Variants in RNF217 observed in about 807,000 individuals in gnomAD.
RNF217 encodes E3 ubiquitin-protein ligase RNF217.
In RNF217, 31 loss-of-function variants were observed where a neutral mutation model predicts 57.8. The observed-to-expected ratio is 0.54, with a 90% CI of 0.40 to 0.72. The LOEUF is 0.72. Among genes scored for constraint, RNF217 ranks in the 30% least tolerant of loss-of-function variants. RNF217 has a pLI of 0.00. For missense variants in RNF217, 696 were observed against 708.3 expected (o/e 0.98, Z 0.20); for synonymous variants, 313 against 294.0 (o/e 1.06, Z -0.66).
chr6:125,035,262 C>T (rs568397969), intron 1 of RNF217, among the ~76,000 whole-genome samples: 1 of 151,976 alleles, frequency 6.6e-6, no homozygotes, highest in Non-Finnish European at 1.5e-5. Flanking sequence ...GAGAGGGCAT[C>T]CCTGTCTTGT....
At chr6:125,021,426 C>T (rs563210688) in intron 1 of RNF217, among the ~76,000 whole-genome samples, 16 of 151,940 alleles carry the variant, frequency 1.1e-4, no homozygotes, top group African/African-American at 3.4e-4. Context: ...CCACCATGCC[C>T]GACTAATTTT....
intron 1 of RNF217, among the ~76,000 whole-genome samples, chr6:125,040,760 C>A (rs150255313): frequency 1.3e-5 from 2 of 152,264 alleles, no homozygotes; most frequent in South Asian, 2.1e-4. Context: ...TCGGCTTCAT[C>A]CCTGGGATGC....
rs1054751997 is a variant in RNF217, at chr6:125,090,033, A to G, written c.*7096A>G. ...CTGACAAGAAACCCTTCTAAGACCC[A>G]TTTTTTTAAGTGTCATATGGCAACT... On this transcript the variant is annotated 3_prime_UTR_variant, in exon 6 of 6. Coordinates refer to ENST00000521654, the MANE Select transcript of RNF217 (RefSeq NM_001286398.3). 1 of 151,902 alleles carries G rather than the reference A, an allele frequency of 6.6e-6. No individual in the cohort carries two copies. Among genetic ancestry groups the G allele is most frequent in the African/African-American group, 2.4e-5 (1 of 41,334 alleles). The allele number at this position is 151,902 out of a possible 1,614,324, so 9.4% of individuals were successfully genotyped here.
At chr6:124,997,598 G>C (rs1784801486) in intron 1 of RNF217, among the ~76,000 whole-genome samples, 2 of 152,122 alleles carry the variant, frequency 1.3e-5, no homozygotes, top group Admixed American at 6.5e-5. Context: ...ACCAATTACA[G>C]TTAAATCTCT....
intron 1 of RNF217, among the ~76,000 whole-genome samples, chr6:125,016,293 G>A (rs1200424108): frequency 1.3e-5 from 2 of 152,130 alleles, no homozygotes; most frequent in African/African-American, 2.4e-5. Context: ...TAGAGCACTC[G>A]AATTTTACCG....
At chr6:125,058,239 G>A in intron 3 of RNF217, 133 bp downstream of exon 3, 2 of 734,772 alleles carry the variant, frequency 2.7e-6, no homozygotes, top group South Asian at 5.8e-5. Context: ...CTTTTATTTT[G>A]GAAAAGTAAT....
intron 3 of RNF217, among the ~76,000 whole-genome samples, chr6:125,059,937 G>C (rs1002979768): frequency 6.6e-6 from 1 of 152,138 alleles, no homozygotes; most frequent in East Asian, 1.9e-4. Flanking sequence ...TTTCTGGTGG[G>C]ATTTGGGTTC....
At chr6:125,025,191 G>A (rs1268209213) in intron 1 of RNF217, among the ~76,000 whole-genome samples, 1 of 152,166 alleles carries the variant, frequency 6.6e-6, no homozygotes, top group Non-Finnish European at 1.5e-5. Flanking sequence ...ACCAGAAGGT[G>A]ATTGATAATT....
At chr6:124,966,963 C>G (rs1783567147) in intron 1 of RNF217, among the ~76,000 whole-genome samples, 1 of 152,144 alleles carries the variant, frequency 6.6e-6, no homozygotes, top group Non-Finnish European at 1.5e-5. Flanking sequence ...GCTAGGCAGC[C>G]CATCTTAGTG....
In RNF217 at chr6:125,084,363, A is replaced by G. The variant is rs139888335; in HGVS notation, c.*1426A>G. ...TAAGAAATTGACAAGTAACTAGACT[A>G]TGATATGCCTTTGCTTTCATCACAA... On this transcript the variant is annotated 3_prime_UTR_variant, in exon 6 of 6. Transcript: ENST00000521654. 6.6e-6 allele frequency: 1 copy of G among 152,032 alleles called. No homozygotes were observed. The highest frequency in any genetic ancestry group is 1.5e-5 in the Non-Finnish European group (1 of 67,874). The allele number at this position is 152,032 out of a possible 1,614,324, so 9.4% of individuals were successfully genotyped here. A position where few individuals can be genotyped will look rare whatever the true frequency, so the allele number is the denominator to read the frequency against.
intron 1 of RNF217, among the ~76,000 whole-genome samples, chr6:125,016,885 A>G (rs1785633363): frequency 6.6e-6 from 1 of 152,168 alleles, no homozygotes; most frequent in Admixed American, 6.5e-5. Flanking sequence ...TACCTATCCA[A>G]CAATCCTGCA....
At chr6:125,047,913 G>A (rs1040670508) in intron 2 of RNF217, among the ~76,000 whole-genome samples, 9 of 152,176 alleles carry the variant, frequency 5.9e-5, no homozygotes, top group Non-Finnish European at 1.2e-4. Flanking sequence ...ATTTGAGGAT[G>A]ATTATTTTTG....
At chr6:125,076,302 A>G (rs1462408045) in intron 3 of RNF217, among the ~76,000 whole-genome samples, 2 of 152,154 alleles carry the variant, frequency 1.3e-5, no homozygotes. Context: ...CTTGCTGATC[A>G]TAGCATAAAC....
At chr6:124,971,530 A>C in intron 1 of RNF217, 1 of 304,412 alleles carries the variant, frequency 3.3e-6, no homozygotes, top group Non-Finnish European at 6.6e-6. Flanking sequence ...ATCTCGGCTC[A>C]CGGAAACCTC....
Position 125,081,461 on chromosome 6 carries a change from A to T in RNF217, c.1509A>T (p.Leu503=). The change falls in exon 5 of 6, where the codon CTA becomes CTT. Residue 503 remains leucine (L), a synonymous_variant. Transcript: ENST00000521654. ...VCAGKLFIAP[L]IMVLGLALGA... ...CTGGAAAATTATTCATTGCACCTCT[A>T]ATTATGGTTTTGGGATTGGCACTAG... 1 of 1,611,428 alleles carries T rather than the reference A, an allele frequency of 6.2e-7. No individual in the cohort carries two copies. Among genetic ancestry groups the T allele is most frequent in the Non-Finnish European group, 8.5e-7 (1 of 1,178,306 alleles).
chr6:125,058,638 T>C (rs1420331986), intron 3 of RNF217, among the ~76,000 whole-genome samples: 1 of 152,188 alleles, frequency 6.6e-6, no homozygotes, highest in African/African-American at 2.4e-5. Flanking sequence ...ATCCCACTTT[T>C]CATCTTTCTT....
At chr6:124,994,697 A>G (rs865922770) in intron 1 of RNF217, among the ~76,000 whole-genome samples, 8 of 152,162 alleles carry the variant, frequency 5.3e-5, no homozygotes, top group South Asian at 2.1e-4. Flanking sequence ...GAGCTGCCCA[A>G]GTGTTTTCTT....
At chr6:125,079,652 C>G (rs562402869) in intron 4 of RNF217, among the ~76,000 whole-genome samples, 1 of 152,060 alleles carries the variant, frequency 6.6e-6, no homozygotes, top group East Asian at 1.9e-4. Flanking sequence ...ATTGGACTTT[C>G]ATACTTAATG....
intron 1 of RNF217, among the ~76,000 whole-genome samples, chr6:125,032,033 G>A (rs1488656851): frequency 6.6e-6 from 1 of 152,190 alleles, no homozygotes; most frequent in Non-Finnish European, 1.5e-5. Context: ...AGATGCAAAA[G>A]TGGAAACCCA....
Sources: allele counts gnomAD v4.1 joint callset (sites outside exome capture counted in the v4.1 genomes callset), GRCh38; gene constraint gnomAD v4.1.1; transcripts MANE v1.5; gene names NCBI Gene and HGNC (gene_info 2026-07-23, HGNC 2026-07-21).